DLG2: variants seen among roughly 807,000 people sequenced by gnomAD.
DLG2 encodes discs large MAGUK scaffold protein 2.
A neutral mutation model predicts 132.5 loss-of-function variants in DLG2; 45 were observed. That is an observed-to-expected ratio of 0.34 (90% CI 0.27 to 0.44). The LOEUF (loss-of-function observed/expected upper bound fraction) is 0.44, where lower values mean the gene tolerates loss of function less well. DLG2 is among the 20% of genes least tolerant of loss of function. DLG2 has a pLI of 1.00. For missense variants in DLG2, 1,045 were observed against 1,196.9 expected, an observed-to-expected ratio of 0.87 and a Z score of 1.87; for synonymous variants, 424 against 419.6, an observed-to-expected ratio of 1.01 and a Z score of -0.13.
chr11:84,317,241 T>C, intron 7 of DLG2: 2 of 1,511,718 alleles, frequency 1.3e-6, no homozygotes, highest in Non-Finnish European at 1.8e-6. Flanking sequence ...AAAGTCTTTT[T>C]TCCACCGTGG....
At chr11:84,184,183 G>T (rs191592814) in intron 8 of DLG2, among the ~76,000 whole-genome samples, 9,852 of 152,220 alleles carry the variant, frequency 0.065, 395 homozygotes, top group African/African-American at 0.1. Flanking sequence ...CTAGTTTACA[G>T]TCCCACCAAC....
chr11:83,764,779 A>C (rs2094070502), intron 18 of DLG2, among the ~76,000 whole-genome samples: 1 of 152,136 alleles, frequency 6.6e-6, no homozygotes, highest in Non-Finnish European at 1.5e-5. Context: ...TGATCACTTC[A>C]TTTCAGTGCA....
chr11:83,510,630 A>G (rs1422061968), intron 21 of DLG2, among the ~76,000 whole-genome samples: 1 of 152,084 alleles, frequency 6.6e-6, no homozygotes, highest in Non-Finnish European at 1.5e-5. Context: ...TGGGATGAGA[A>G]CACAGGCCCC....
intron 5 of DLG2, among the ~76,000 whole-genome samples, chr11:85,133,509 A>T (rs761624995): frequency 8.5e-5 from 13 of 152,208 alleles, no homozygotes; most frequent in Non-Finnish European, 1.6e-4. Flanking sequence ...AAGGAAAATC[A>T]AGCCAGTGAC....
chr11:84,649,101 T>G (rs958870999), intron 6 of DLG2, among the ~76,000 whole-genome samples: 1 of 152,192 alleles, frequency 6.6e-6, no homozygotes, highest in African/African-American at 2.4e-5. Flanking sequence ...GTACTTAAGC[T>G]ATATAAGCTT....
chr11:85,308,420 G>C (rs1006620415), intron 3 of DLG2, among the ~76,000 whole-genome samples: 3 of 152,022 alleles, frequency 2.0e-5, no homozygotes, highest in African/African-American at 7.2e-5. Flanking sequence ...TTGGCTTCTG[G>C]TTGGGATCAG....
intron 3 of DLG2, among the ~76,000 whole-genome samples, chr11:85,339,796 A>AGGG (rs2082362155): frequency 6.6e-6 from 1 of 152,218 alleles, no homozygotes; most frequent in African/African-American, 2.4e-5. Flanking sequence ...TTACAAGGAA[A>AGGG]AAGCAAACAA....
chr11:84,207,016 G>A (rs2096675944), intron 8 of DLG2, among the ~76,000 whole-genome samples: 1 of 151,200 alleles, frequency 6.6e-6, no homozygotes, highest in South Asian at 2.1e-4. Context: ...AAAAATCAAT[G>A]CCAATTCATC....
At chr11:84,009,757 T>C (rs999728999) in intron 11 of DLG2, among the ~76,000 whole-genome samples, 16 of 152,106 alleles carry the variant, frequency 1.1e-4, no homozygotes, top group African/African-American at 3.9e-4. Context: ...GTTTTTATTA[T>C]TTACTATATG....
At chr11:85,038,945 T>C (rs2061627142) in intron 6 of DLG2, among the ~76,000 whole-genome samples, 1 of 152,048 alleles carries the variant, frequency 6.6e-6, no homozygotes, top group Non-Finnish European at 1.5e-5. Context: ...CTGGAGATTA[T>C]ATGAAATTTG....
intron 18 of DLG2, among the ~76,000 whole-genome samples, chr11:83,682,635 G>A (rs912086073): frequency 6.6e-6 from 1 of 152,082 alleles, no homozygotes; most frequent in Non-Finnish European, 1.5e-5. Context: ...ACAGCAAGGC[G>A]TATTACTCAG....
chr11:84,580,881 T>C (rs2099514740), intron 6 of DLG2, among the ~76,000 whole-genome samples: 1 of 152,306 alleles, frequency 6.6e-6, no homozygotes, highest in African/African-American at 2.4e-5. Flanking sequence ...CGATAAAGTA[T>C]AAAAAATTCC....
At chr11:85,562,877 A>G (rs1291811737) in intron 3 of DLG2, among the ~76,000 whole-genome samples, 1 of 151,856 alleles carries the variant, frequency 6.6e-6, no homozygotes, top group Non-Finnish European at 1.5e-5. Context: ...TTTTAAAATG[A>G]CAGCATTAAG....
At position 84,098,979 on chromosome 11, in the gene DLG2, G is replaced by T; in HGVS notation, c.693C>A (p.Gly231=). The T allele has an allele frequency of 6.2e-7, 1 of 1,613,290 alleles. No homozygotes were observed. Among genetic ancestry groups the T allele is most frequent in the East Asian group, 2.2e-5 (1 of 44,858 alleles). The stretch of plus-strand genomic sequence containing the variant: ...CTGGTATAATCTTCGTAATAAATAT[G>T]CCAGGGTCATCTCCAATGTGGGGAT... The part of the protein sequence containing the change: ...TDNPHIGDDP[G]IFITKIIPGG... Residue 231 remains glycine (G), a synonymous_variant, in exon 10 of 28, where the codon GGC becomes GGA. Transcript: ENST00000376104.
intron 7 of DLG2, among the ~76,000 whole-genome samples, chr11:84,339,123 C>T (rs910436570): frequency 1.3e-5 from 2 of 152,106 alleles, no homozygotes; most frequent in African/African-American, 2.4e-5. Flanking sequence ...CTCTGTATCA[C>T]GACACTGTTT....
At chr11:85,581,916 A>G (rs956218942) in intron 3 of DLG2, among the ~76,000 whole-genome samples, 3 of 152,126 alleles carry the variant, frequency 2.0e-5, no homozygotes, top group African/African-American at 7.2e-5. Context: ...ATTTGAGGAG[A>G]AAGAATGTAC....
rs749035871 is a variant in DLG2 at position 83,818,285 on chromosome 11, T to C, written c.1722+15329A>G. Among the ~76,000 whole-genome samples, 4 of 152,204 alleles carry C rather than the reference T, an allele frequency of 2.6e-5. No homozygotes were observed. In the East Asian group the frequency reaches 7.7e-4, roughly 29 times the overall value. On this transcript the variant is annotated intron_variant, in intron 17 of 27. Transcript: ENST00000376104. ...CTCCTGCTTTTCAAAACTTCTGCAT[T>C]GGACTTCATGTTCTTCCTTTGTGGC...
intron 6 of DLG2, among the ~76,000 whole-genome samples, chr11:84,562,561 T>C: frequency 6.6e-6 from 1 of 152,184 alleles, no homozygotes; most frequent in East Asian, 1.9e-4. Flanking sequence ...TAACAGTCTA[T>C]GAGATCTATG....
At chr11:85,540,070 T>A (rs894944194) in intron 3 of DLG2, among the ~76,000 whole-genome samples, 2 of 152,162 alleles carry the variant, frequency 1.3e-5, no homozygotes, top group African/African-American at 4.8e-5. Flanking sequence ...CCAATACTGC[T>A]TTAGATACAA....
Sources: gnomAD v4.1 joint callset for allele counts (sites outside exome capture counted in the v4.1 genomes callset) on GRCh38, gnomAD v4.1.1 for gene constraint, MANE v1.5 for transcripts, NCBI Gene and HGNC (gene_info 2026-07-23, HGNC 2026-07-21) for gene names.